STK31: variants seen among roughly 807,000 people sequenced by gnomAD.
STK31 encodes serine/threonine-protein kinase 31.
In STK31, 89 loss-of-function variants were observed where a neutral mutation model predicts 129.7. The observed-to-expected ratio is 0.69, with a 90% CI of 0.58 to 0.82. The LOEUF (loss-of-function observed/expected upper bound fraction) is 0.82, where lower values mean the gene tolerates loss of function less well. Among genes scored for constraint, STK31 ranks in the 40% least tolerant of loss-of-function variants. STK31 has a pLI of 0.00. For missense variants in STK31, 1,187 were observed against 1,176.4 expected (o/e 1.01, Z -0.13); for synonymous variants, 448 against 395.3 (o/e 1.13, Z -1.58).
chr7:23,717,277 A>C (rs1467418803), intron 3 of STK31, among the ~76,000 whole-genome samples: 2 of 151,850 alleles, frequency 1.3e-5, no homozygotes, highest in African/African-American at 4.8e-5. Flanking sequence ...TAATTTGAAC[A>C]CATTGGGAAG....
intron 6 of STK31, among the ~76,000 whole-genome samples, chr7:23,734,993 A>G (rs1483605177): frequency 6.6e-6 from 1 of 152,172 alleles, no homozygotes; most frequent in Non-Finnish European, 1.5e-5. Flanking sequence ...AGTTTTGAAT[A>G]TGTATTTGTG....
rs1369425447 is a variant in STK31 at position 23,729,141 on chromosome 7, T to C, written c.375T>C (p.Ser125=). ...DYGNTEILNR[S]DIVEIPLELQ... ...GAAATACTGAAATTCTAAATCGATC[T>C]GATATAGTTGAAATTCCTTTGGAGC... The change falls in exon 6 of 24, where the codon TCT becomes TCC. Residue 125 remains serine (S), a synonymous_variant. Coordinates refer to ENST00000355870, the MANE Select transcript of STK31 (RefSeq NM_031414.5). 6.2e-7 allele frequency: 1 copy of C among 1,611,666 alleles called. No individual in the cohort carries two copies. Among genetic ancestry groups the C allele is most frequent in the African/African-American group, 1.3e-5 (1 of 74,936 alleles).
intron 8 of STK31, among the ~76,000 whole-genome samples, chr7:23,751,525 G>A (rs1174130323): frequency 5.3e-5 from 8 of 152,170 alleles, no homozygotes; most frequent in Admixed American, 5.2e-4. Context: ...TAAAAGTTAT[G>A]TGTATCCTAT....
chr7:23,757,240 C>T (rs532799041), intron 10 of STK31, among the ~76,000 whole-genome samples: 11 of 152,108 alleles, frequency 7.2e-5, no homozygotes, highest in African/African-American at 2.2e-4. Flanking sequence ...CACCTGTGGG[C>T]GTTTCTCGTC....
chr7:23,715,203 C>G (rs1280053517), intron 3 of STK31, among the ~76,000 whole-genome samples: 1 of 85,332 alleles, frequency 1.2e-5, no homozygotes, highest in Non-Finnish European at 2.4e-5. Flanking sequence ...CACGTGTATT[C>G]TCCATTTTTT....
chr7:23,761,514 G>A (rs1002982150), intron 10 of STK31, among the ~76,000 whole-genome samples: 4 of 150,530 alleles, frequency 2.7e-5, no homozygotes, highest in African/African-American at 7.3e-5. Flanking sequence ...TCTGCCTTCC[G>A]GGTTCGTGCC....
intron 23 of STK31, among the ~76,000 whole-genome samples, chr7:23,822,955 C>T (rs1469711532): frequency 1.3e-5 from 2 of 152,138 alleles, no homozygotes; most frequent in Non-Finnish European, 2.9e-5. Context: ...CATAGTATTC[C>T]ATGGTGTATA....
intron 22 of STK31, among the ~76,000 whole-genome samples, chr7:23,810,242 T>C (rs1380077821): frequency 6.6e-6 from 1 of 152,092 alleles, no homozygotes; most frequent in Non-Finnish European, 1.5e-5. Flanking sequence ...AATGTTTGCA[T>C]GGTATATCTT....
At chr7:23,727,557 T>A (rs1787159939) in intron 5 of STK31, 2 of 6,996 alleles carry the variant, frequency 2.9e-4, no homozygotes, top group Non-Finnish European at 4.7e-4. Flanking sequence ...ACCTCAGTTC[T>A]TTTTTTTTTT....
At position 23,756,198 on chromosome 7, in the gene STK31, A is replaced by G. The variant is rs531481188; in HGVS notation, c.1293+1724A>G. 1.1e-4 allele frequency among the ~76,000 whole-genome samples: 16 copies of G among 152,190 alleles called. No homozygotes were observed. The East Asian group carries it at 3.1e-3, about 29-fold the overall frequency. ...GAGCAGTGGTTTGTAGTTCTTCTTGAAGAGGTCCTTCACATCCCTTATTAG... is the reference window on the plus strand; with the variant it reads ...GAGCAGTGGTTTGTAGTTCTTCTTGGAGAGGTCCTTCACATCCCTTATTAG... On this transcript the variant is annotated intron_variant, in intron 10 of 23. Transcript: ENST00000355870.
At chr7:23,719,235 AAGAT>A (rs1327042794) in intron 4 of STK31, among the ~76,000 whole-genome samples, 1 of 152,122 alleles carries the variant, frequency 6.6e-6, no homozygotes, top group Non-Finnish European at 1.5e-5. Flanking sequence ...TAAAAAATAA[AAGAT>A]ATATTTCAAT....
At chr7:23,781,655 G>A (rs919045512) in intron 16 of STK31, 135 bp downstream of exon 16, 12 of 535,820 alleles carry the variant, frequency 2.2e-5, no homozygotes, top group Non-Finnish European at 3.5e-5. Flanking sequence ...TATTGACCTG[G>A]TAAGATTTTT....
At chr7:23,814,351 T>A (rs891434060) in intron 22 of STK31, among the ~76,000 whole-genome samples, 14 of 152,102 alleles carry the variant, frequency 9.2e-5, no homozygotes, top group African/African-American at 3.4e-4. Flanking sequence ...CTTTTGCTCA[T>A]TTTTTAATTG....
At chr7:23,824,113 A>G (rs1281140336) in intron 23 of STK31, among the ~76,000 whole-genome samples, 2 of 152,188 alleles carry the variant, frequency 1.3e-5, no homozygotes, top group Non-Finnish European at 2.9e-5. Flanking sequence ...ACTTTAAAGT[A>G]GTTTTTTCCA....
At chr7:23,740,752 T>G (rs1788010333) in intron 8 of STK31, among the ~76,000 whole-genome samples, 1 of 152,130 alleles carries the variant, frequency 6.6e-6, no homozygotes. Flanking sequence ...GGTGTTTGGT[T>G]TTTTGTCCTT....
rs780487987 is a variant in STK31, at chr7:23,785,588, G to GATA, written c.2262_2264dup (p.Ile755dup). 1 of 1,613,074 alleles carries GATA rather than the reference G, an allele frequency of 6.2e-7. No homozygotes were observed. The highest frequency in any genetic ancestry group is 1.1e-5 in the South Asian group (1 of 91,036). On this transcript the variant is annotated inframe_insertion, in exon 18 of 24. Coordinates refer to ENST00000355870, the MANE Select transcript of STK31 (RefSeq NM_031414.5). ...TGGTACGTTCTGAGGTTAATGGGCAGATAATTCTGTTAAAGGTAAGTCTAA... is the reference window on the plus strand; with the variant it reads ...TGGTACGTTCTGAGGTTAATGGGCAGATAATAATTCTGTTAAAGGTAAGTCTAA...
intron 8 of STK31, among the ~76,000 whole-genome samples, chr7:23,742,252 T>G (rs1250479908): frequency 6.6e-6 from 1 of 152,170 alleles, no homozygotes; most frequent in Non-Finnish European, 1.5e-5. Flanking sequence ...CCAAGCAGCA[T>G]GAGCAAGAAG....
intron 22 of STK31, among the ~76,000 whole-genome samples, chr7:23,810,686 AT>A (rs1793043282): frequency 8.2e-6 from 1 of 122,658 alleles, no homozygotes. Flanking sequence ...TAAAATAGAT[AT>A]TATATATAAA....
chr7:23,753,924 A>G (rs181698003), intron 9 of STK31, among the ~76,000 whole-genome samples: 1 of 152,284 alleles, frequency 6.6e-6, no homozygotes, highest in East Asian at 1.9e-4. Flanking sequence ...TGGGTTTCTT[A>G]TATGTCTTTT....
Sources: gnomAD v4.1 joint callset for allele counts (sites outside exome capture counted in the v4.1 genomes callset) on GRCh38, gnomAD v4.1.1 for gene constraint, MANE v1.5 for transcripts, NCBI Gene and HGNC (gene_info 2026-07-23, HGNC 2026-07-21) for gene names.